The following NRG1 variants were observed in gnomAD, a reference collection of about 807,000 sequenced individuals.
NRG1 encodes pro-neuregulin-1, membrane-bound isoform.
NRG1 carries 18 observed loss-of-function variants against 63.8 expected under a neutral mutation model. The observed-to-expected ratio is 0.28, with a 90% CI of 0.19 to 0.42. The LOEUF (loss-of-function observed/expected upper bound fraction) is 0.42, where lower values mean the gene tolerates loss of function less well. Among genes scored for constraint, NRG1 ranks in the 10% least tolerant of loss-of-function variants. The pLI, the probability that NRG1 is intolerant of heterozygous loss-of-function variation, is 1.00. For synonymous variants in NRG1, 302 were observed against 301.3 expected (o/e 1.00, Z -0.02); for missense variants, 762 against 814.7 (o/e 0.94, Z 0.79).
intron 1 of NRG1, among the ~76,000 whole-genome samples, chr8:31,882,327 A>C (rs866210317): frequency 5.3e-5 from 7 of 131,278 alleles, no homozygotes; most frequent in South Asian, 5.0e-4. Context: ...CTGCTCAAAA[A>C]CTAAAAAAAA....
intron 2 of NRG1, among the ~76,000 whole-genome samples, chr8:32,601,407 T>A (rs1844331037): frequency 6.6e-6 from 1 of 152,184 alleles, no homozygotes; most frequent in Admixed American, 6.5e-5. Flanking sequence ...CAGACTTGAA[T>A]CTTTCCAAAG....
At chr8:31,712,999 AT>A (rs1811951665) in intron 1 of NRG1, among the ~76,000 whole-genome samples, 1 of 149,008 alleles carries the variant, frequency 6.7e-6, no homozygotes, top group Non-Finnish European at 1.5e-5. Context: ...CCATCCATCC[AT>A]CCATCCATCC....
chr8:31,947,930 G>A (rs1329979778), intron 1 of NRG1, among the ~76,000 whole-genome samples: 6 of 116,402 alleles, frequency 5.2e-5, no homozygotes, highest in Non-Finnish European at 9.9e-5. Context: ...GGGCTACAGA[G>A]TGAGACTCCA....
At chr8:31,935,891 G>C (rs954400197) in intron 1 of NRG1, among the ~76,000 whole-genome samples, 1 of 152,174 alleles carries the variant, frequency 6.6e-6, no homozygotes, top group African/African-American at 2.4e-5. Context: ...GGCTTCCTAA[G>C]ACATTTTGCT....
chr8:32,308,763 C>G (rs979495512), intron 1 of NRG1, among the ~76,000 whole-genome samples: 3 of 152,112 alleles, frequency 2.0e-5, no homozygotes, highest in African/African-American at 7.2e-5. Context: ...GCAGTAAAGA[C>G]CAATTAAAAA....
At chr8:32,189,997 C>T (rs1842331627) in intron 1 of NRG1, among the ~76,000 whole-genome samples, 1 of 152,148 alleles carries the variant, frequency 6.6e-6, no homozygotes, top group African/African-American at 2.4e-5. Context: ...TTGTACATTT[C>T]AGTCCTTCTT....
chr8:31,783,476 T>C (rs1477101655), intron 1 of NRG1, among the ~76,000 whole-genome samples: 1 of 151,968 alleles, frequency 6.6e-6, no homozygotes, highest in Non-Finnish European at 1.5e-5. Context: ...CTGGAAACAT[T>C]GTCTAGAAAT....
intron 1 of NRG1, among the ~76,000 whole-genome samples, chr8:31,736,978 A>G (rs1209088777): frequency 6.6e-6 from 1 of 152,154 alleles, no homozygotes; most frequent in Admixed American, 6.6e-5. Context: ...GGACAAATAC[A>G]TGGTTTTGGT....
Position 32,115,300 on chromosome 8 carries a change from A to G in NRG1, c.37+475869A>G, listed in dbSNP as rs373365593. 2.6e-3 allele frequency among the ~76,000 whole-genome samples: 400 copies of G among 152,164 alleles called. 1 individual carries two copies. Among genetic ancestry groups the G allele is most frequent in the African/African-American group, 9.2e-3 (384 of 41,546 alleles). On this transcript the variant is annotated intron_variant, in intron 1 of 10. Transcript: ENST00000519301. ...CCCGCCTCAGCCTCCCCAGCTGTGT[A>G]GATAACTTTTGACGCCCCACAGCCT...
chr8:32,604,629 A>G (rs1395237681), intron 2 of NRG1, among the ~76,000 whole-genome samples: 1 of 152,122 alleles, frequency 6.6e-6, no homozygotes, highest in Admixed American at 6.5e-5. Flanking sequence ...CTTCACCAGC[A>G]TGATCATGGC....
At chr8:32,374,634 C>A (rs1224872657) in intron 1 of NRG1, among the ~76,000 whole-genome samples, 6 of 152,194 alleles carry the variant, frequency 3.9e-5, no homozygotes, top group Admixed American at 2.0e-4. Context: ...AACATCTTCA[C>A]CTCCAGGGCC....
chr8:32,706,200 T>C (rs950311914), intron 5 of NRG1, among the ~76,000 whole-genome samples: 2 of 152,188 alleles, frequency 1.3e-5, no homozygotes, highest in African/African-American at 4.8e-5. Context: ...AGACCAAAGG[T>C]CTGTGACTGT....
At chr8:32,719,815 G>A (rs1820173511) in intron 5 of NRG1, among the ~76,000 whole-genome samples, 1 of 151,874 alleles carries the variant, frequency 6.6e-6, no homozygotes, top group African/African-American at 2.4e-5. Flanking sequence ...AGTTCTCTGG[G>A]TTTTATTGCA....
chr8:31,776,196 G>A (rs144214216), intron 1 of NRG1, among the ~76,000 whole-genome samples: 2,516 of 152,278 alleles, frequency 0.017, 31 homozygotes, highest in Non-Finnish European at 0.025. Context: ...CCCTCAGAGG[G>A]TTGTAGGCCA....
chr8:32,492,379 A>G (rs988090282), intron 1 of NRG1, among the ~76,000 whole-genome samples: 3 of 150,650 alleles, frequency 2.0e-5, no homozygotes, highest in African/African-American at 7.3e-5. Flanking sequence ...TCCATGCACC[A>G]ATACTCCTAG....
At chr8:32,596,521 A>G (rs1270610494) in intron 2 of NRG1, among the ~76,000 whole-genome samples, 1 of 150,308 alleles carries the variant, frequency 6.7e-6, no homozygotes, top group African/African-American at 2.4e-5. Flanking sequence ...AATCACTTGA[A>G]CCCGGGAGGT....
chr8:31,667,560 G>A (rs182916335), intron 1 of NRG1, among the ~76,000 whole-genome samples: 2 of 152,166 alleles, frequency 1.3e-5, no homozygotes, highest in Admixed American at 6.5e-5. Flanking sequence ...GGAGGTAATG[G>A]CCTGTTCAGG....
chr8:31,848,563 G>A (rs989389198), intron 1 of NRG1, among the ~76,000 whole-genome samples: 4 of 152,144 alleles, frequency 2.6e-5, no homozygotes, highest in African/African-American at 7.2e-5. Context: ...AGCAGGAGGC[G>A]AGCTGCAGGT....
chr8:32,237,486 G>T (rs1344403330), intron 1 of NRG1, among the ~76,000 whole-genome samples: 1 of 151,794 alleles, frequency 6.6e-6, no homozygotes, highest in Non-Finnish European at 1.5e-5. Flanking sequence ...TTGTGCATTT[G>T]AGGGTTTTTT....
Sources: allele counts gnomAD v4.1 joint callset (sites outside exome capture counted in the v4.1 genomes callset), GRCh38; gene constraint gnomAD v4.1.1; transcripts MANE v1.5; gene names NCBI Gene and HGNC (gene_info 2026-07-23, HGNC 2026-07-21).